PRPSAP2: variants seen among roughly 807,000 people sequenced by gnomAD.
PRPSAP2 encodes phosphoribosyl pyrophosphate synthetase associated protein 2.
A neutral mutation model predicts 40.6 loss-of-function variants in PRPSAP2; 24 were observed. The observed-to-expected ratio is 0.59, with a 90% confidence interval of 0.43 to 0.83. The LOEUF is 0.83. PRPSAP2 is among the 40% of genes least tolerant of loss of function. PRPSAP2 has a pLI of 0.00. For synonymous variants in PRPSAP2, 149 were observed against 164.7 expected (o/e 0.90, Z 0.73); for missense variants, 292 against 465.6 (o/e 0.63, Z 3.43).
intron 8 of PRPSAP2, among the ~76,000 whole-genome samples, chr17:18,892,838 G>A (rs1033368485): frequency 2.0e-5 from 3 of 151,468 alleles, no homozygotes; most frequent in African/African-American, 4.9e-5. Context: ...AGGTTTAAGC[G>A]ATTCTCCTGC....
Position 18,867,273 on chromosome 17 carries a change from C to G in PRPSAP2, c.120-9C>G. Reference sequence around the variant, plus strand: ...CTTTTTCAGCTTTTTCCCCCTTTCTCTTCTCTAGGCGGCTAGGGGTGGAGA... The same window carrying G: ...CTTTTTCAGCTTTTTCCCCCTTTCTGTTCTCTAGGCGGCTAGGGGTGGAGA... On this transcript the variant is annotated splice_polypyrimidine_tract_variant and intron_variant, in intron 3 of 11. Transcript: ENST00000268835. 2 of 1,613,850 alleles carry G rather than the reference C, an allele frequency of 1.2e-6. No homozygotes were observed. The highest frequency in any genetic ancestry group is 1.7e-6 in the Non-Finnish European group (2 of 1,179,884).
chr17:18,895,177 T>G (rs2062382899), intron 8 of PRPSAP2, among the ~76,000 whole-genome samples: 1 of 151,702 alleles, frequency 6.6e-6, no homozygotes, highest in African/African-American at 2.4e-5. Context: ...CTTGAATTTT[T>G]GGGCTCATGG....
chr17:18,875,093 G>C (rs1168581360), intron 5 of PRPSAP2, among the ~76,000 whole-genome samples: 3 of 152,074 alleles, frequency 2.0e-5, no homozygotes, highest in Admixed American at 6.6e-5. Flanking sequence ...CCTGTCTTTT[G>C]TCAGTTTCAT....
intron 8 of PRPSAP2, among the ~76,000 whole-genome samples, chr17:18,898,452 G>A (rs1412664040): frequency 6.6e-6 from 1 of 152,002 alleles, no homozygotes; most frequent in Non-Finnish European, 1.5e-5. Context: ...TCCTTTTGCC[G>A]CTTTTAAATA....
At chr17:18,874,322 C>T (rs2038113199) in intron 5 of PRPSAP2, among the ~76,000 whole-genome samples, 1 of 152,082 alleles carries the variant, frequency 6.6e-6, no homozygotes, top group African/African-American at 2.4e-5. Flanking sequence ...ATCAGTTTGT[C>T]TAGTGCATTA....
chr17:18,874,135 C>T (rs1323166800), intron 5 of PRPSAP2, among the ~76,000 whole-genome samples: 4 of 152,042 alleles, frequency 2.6e-5, no homozygotes, highest in Non-Finnish European at 5.9e-5. Context: ...AAACTTTTGG[C>T]CTCAAGTGAT....
intron 8 of PRPSAP2, among the ~76,000 whole-genome samples, chr17:18,890,284 C>T (rs934775278): frequency 7.9e-5 from 12 of 152,086 alleles, no homozygotes; most frequent in Non-Finnish European, 1.5e-4. Context: ...ATTCTCCTGC[C>T]TCAGCCTCCC....
At position 18,864,413 on chromosome 17, in the gene PRPSAP2, C is replaced by T. The variant is rs534475976; in HGVS notation, c.-128-1056C>T. On this transcript the variant is annotated intron_variant, in intron 1 of 11. Coordinates refer to ENST00000268835, the MANE Select transcript of PRPSAP2 (RefSeq NM_002767.4). ...AGTTCAAGCGATTCTCAAGCCTCAG[C>T]CTCTAGAGTAGCTGGGACTATAGGC... Among the ~76,000 whole-genome samples the T allele has an allele frequency of 8.5e-5, 13 of 152,148 alleles. No individual in the cohort carries two copies. The South Asian group carries it at 2.3e-3, about 27-fold the overall frequency.
intron 7 of PRPSAP2, among the ~76,000 whole-genome samples, chr17:18,889,468 T>C (rs564724022): frequency 6.6e-6 from 1 of 152,360 alleles, no homozygotes; most frequent in Non-Finnish European, 1.5e-5. Context: ...AATTTGACAG[T>C]CAGCTTGTAT....
At chr17:18,869,264 G>T (rs1452880473) in intron 4 of PRPSAP2, among the ~76,000 whole-genome samples, 1 of 152,092 alleles carries the variant, frequency 6.6e-6, no homozygotes, top group Non-Finnish European at 1.5e-5. Context: ...GGAGTTCAGG[G>T]ATTGATGTTA....
chr17:18,913,729 G>C (rs758171512), intron 9 of PRPSAP2, among the ~76,000 whole-genome samples: 1 of 150,544 alleles, frequency 6.6e-6, no homozygotes, highest in East Asian at 2.0e-4. Context: ...TGTATTTTTT[G>C]TAGAGACAAA....
chr17:18,857,923 T>C (rs1490955804), upstream of PRPSAP2: 1 of 152,394 alleles, frequency 6.6e-6, no homozygotes, highest in African/African-American at 2.4e-5. Flanking sequence ...CTGTCACAGT[T>C]GGTGTGGGGC....
At chr17:18,908,498 C>A in intron 8 of PRPSAP2, 1 of 759,882 alleles carries the variant, frequency 1.3e-6, no homozygotes, top group African/African-American at 1.7e-5. Context: ...CGTCAAGCTC[C>A]TGAAACACAA....
intron 8 of PRPSAP2, among the ~76,000 whole-genome samples, chr17:18,899,163 C>T (rs1455454764): frequency 6.6e-6 from 1 of 152,194 alleles, no homozygotes; most frequent in Non-Finnish European, 1.5e-5. Context: ...CTTGGCCTCC[C>T]AAAGTGCTGG....
intron 1 of PRPSAP2, among the ~76,000 whole-genome samples, chr17:18,862,764 AT>A (rs1443039592): frequency 2.0e-5 from 3 of 152,028 alleles, no homozygotes; most frequent in Non-Finnish European, 2.9e-5. Flanking sequence ...GTTTGTTTTT[AT>A]TTATTTTCCT....
intron 10 of PRPSAP2, among the ~76,000 whole-genome samples, chr17:18,926,503 G>A (rs1029658473): frequency 2.6e-5 from 4 of 152,082 alleles, no homozygotes; most frequent in Non-Finnish European, 4.4e-5. Context: ...TCCTGACCTC[G>A]TGATCTGCCC....
chr17:18,871,319 C>CAGGG (rs2037849766), intron 4 of PRPSAP2, among the ~76,000 whole-genome samples: 1 of 152,180 alleles, frequency 6.6e-6, no homozygotes, highest in Non-Finnish European at 1.5e-5. Flanking sequence ...CGTGCCCAGC[C>CAGGG]TAAAGGGTCT....
chr17:18,888,032 G>T, intron 7 of PRPSAP2, among the ~76,000 whole-genome samples: 1 of 53,036 alleles, frequency 1.9e-5, no homozygotes, highest in South Asian at 4.7e-4. Flanking sequence ...CTTGAGATTA[G>T]GGATTGGTGA....
chr17:18,918,718 G>A (rs1325974836), intron 9 of PRPSAP2, among the ~76,000 whole-genome samples: 1 of 152,172 alleles, frequency 6.6e-6, no homozygotes, highest in Non-Finnish European at 1.5e-5. Flanking sequence ...TGATCTCTTG[G>A]GCTATGCTGT....
Sources: allele counts gnomAD v4.1 joint callset (sites outside exome capture counted in the v4.1 genomes callset), GRCh38; gene constraint gnomAD v4.1.1; transcripts MANE v1.5; gene names NCBI Gene and HGNC (gene_info 2026-07-23, HGNC 2026-07-21).